Variants in RETN observed in about 807,000 individuals in gnomAD.
The protein encoded by RETN is resistin.
Under a neutral mutation model 6.1 loss-of-function variants are expected in RETN, and 5 were observed. That is an observed-to-expected ratio of 0.82 (90% CI 0.43 to 1.73). RETN has a LOEUF of 1.73. Ranked by LOEUF, RETN falls within the 40% of genes most tolerant of loss-of-function variation. The pLI, the probability that RETN is intolerant of heterozygous loss-of-function variation, is 0.02. For missense variants in RETN, 168 were observed against 142.5 expected, an observed-to-expected ratio of 1.18 and a Z score of -0.91; for synonymous variants, 62 against 59.2, an observed-to-expected ratio of 1.05 and a Z score of -0.22.
Position 7,670,356 on chromosome 19 carries a change from G to A in RETN, c.*7G>A, listed in dbSNP as rs377447409. The A allele has an allele frequency of 1.3e-6, 2 of 1,545,382 alleles. No homozygotes were observed. The highest frequency in any genetic ancestry group is 8.7e-7 in the Non-Finnish European group (1 of 1,149,782). On this transcript the variant is annotated 3_prime_UTR_variant, in exon 4 of 4. Coordinates refer to ENST00000221515, the MANE Select transcript of RETN (RefSeq NM_020415.4). ...CTGTCGTGTGCAGCCCTGAGGTCGC[G>A]CGCAGCGCGTGCACAGCGCGGGCGG...
Position 7,670,244 on chromosome 19 carries a change from T to C in RETN, c.222T>C (p.Cys74=), listed in dbSNP as rs532089804. 2.2e-5 allele frequency: 35 copies of C among 1,603,572 alleles called. No homozygotes were observed. The highest frequency in any genetic ancestry group is 1.8e-4 in the Admixed American group (11 of 59,740). The part of the protein sequence containing the change: ...PRGFAVTGCT[C]GSACGSWDVR... ...GCTTCGCCGTCACCGGCTGCACTTG[T>C]GGCTCCGCCTGTGGCTCGTGGGATG... The change falls in exon 4 of 4, where the codon TGT becomes TGC. Residue 74 remains cysteine (C), a synonymous_variant. Transcript: ENST00000221515.
rs773715419 is a variant in RETN, at chr19:7,669,843, T to C, written c.141T>C (p.Ile47=). 6.2e-7 allele frequency: 1 copy of C among 1,614,088 alleles called. No homozygotes were observed. The highest frequency in any genetic ancestry group is 8.5e-7 in the Non-Finnish European group (1 of 1,180,002). ...GSLIFRAISS[I]GLECQSVTSR... is the part of the protein sequence containing the mutation. ...CAGTATTTAGGGCAATAAGCAGCAT[T>C]GGCCTGGAGTGCCAGAGCGTCACCT... Residue 47 remains isoleucine, a synonymous_variant, in exon 3 of 4, where the codon ATT becomes ATC. Transcript: ENST00000221515.
chr19:7,670,414 A>T lies in RETN; in HGVS notation c.*65A>T. 6.7e-7 allele frequency: 1 copy of T among 1,496,630 alleles called. No homozygotes were observed. The highest frequency in any genetic ancestry group is 8.9e-7 in the Non-Finnish European group (1 of 1,122,320). 92.7% of individuals were successfully genotyped at this position (1,496,630 alleles called of 1,614,324 possible). The stretch of plus-strand genomic sequence containing the variant: ...TCCAGGTCCGGAGGGGTTGCGGGGG[A>T]GCTGGAAATAAACCTGGAGATGATG... On this transcript the variant is annotated 3_prime_UTR_variant, in exon 4 of 4. Transcript: ENST00000221515.
chr19:7,669,901 G>A lies in RETN; in HGVS notation c.196+3G>A. On this transcript the variant is annotated splice_donor_region_variant and intron_variant, in intron 3 of 3. Coordinates refer to ENST00000221515, the MANE Select transcript of RETN (RefSeq NM_020415.4). ...GGACCTGGCTACTTGCCCCCGAGGT[G>A]AGTGCAGGAGACTGTTGTCCAGGCG... 6.2e-7 allele frequency: 1 copy of A among 1,613,420 alleles called. No individual in the cohort carries two copies. The highest frequency in any genetic ancestry group is 1.1e-5 in the South Asian group (1 of 91,046).
chr19:7,669,979 G>A lies in RETN; in HGVS notation c.196+81G>A, dbSNP rs1486559984. 9 of 1,131,246 alleles carry A rather than the reference G, an allele frequency of 8.0e-6. No individual in the cohort carries two copies. In the African/African-American group the frequency reaches 9.1e-5, roughly 11 times the overall value. 70.1% of individuals were successfully genotyped at this position (1,131,246 alleles called of 1,614,324 possible). On this transcript the variant is annotated intron_variant, in intron 3 of 3. Coordinates refer to ENST00000221515, the MANE Select transcript of RETN (RefSeq NM_020415.4). ...ATGCCCCCTCCCCGCCACGTTCCCC[G>A]TGTCCAGCCTCTACTCCCCTAGGAT...
chr19:7,669,978 C>T, intron 3 of RETN, 80 bp downstream of exon 3: 3 of 1,127,790 alleles, frequency 2.7e-6, no homozygotes, highest in Admixed American at 1.9e-5. Flanking sequence ...CCACGTTCCC[C>T]GTGTCCAGCC....
rs2032482699 is a variant in RETN, at chr19:7,670,402, G to A, written c.*53G>A. ...GGCGGAGGCGGCTCCAGGTCCGGAG[G>A]GGTTGCGGGGGAGCTGGAAATAAAC... On this transcript the variant is annotated 3_prime_UTR_variant, in exon 4 of 4. Coordinates refer to ENST00000221515, the MANE Select transcript of RETN (RefSeq NM_020415.4). 1 of 1,515,490 alleles carries A rather than the reference G, an allele frequency of 6.6e-7. No individual in the cohort carries two copies. Among genetic ancestry groups the A allele is most frequent in the African/African-American group, 1.4e-5 (1 of 72,208 alleles). 93.9% of individuals were successfully genotyped at this position (1,515,490 alleles called of 1,614,324 possible). A position where few individuals can be genotyped will look rare whatever the true frequency, so the allele number is the denominator to read the frequency against.
rs757237196 is a variant in RETN at position 7,669,878 on chromosome 19, A to C, written c.176A>C (p.Asp59Ala). 1.2e-6 allele frequency: 2 copies of C among 1,613,504 alleles called. No homozygotes were observed. The highest frequency in any genetic ancestry group is 1.7e-6 in the Non-Finnish European group (2 of 1,179,830). ...LECQSVTSRG[D>A]LATCPRGFAV... ...TGCCAGAGCGTCACCTCCAGGGGGG[A>C]CCTGGCTACTTGCCCCCGAGGTGAG... Residue 59 changes from aspartate (D) to alanine (A), a missense_variant, in exon 3 of 4, where the codon GAC (aspartate) becomes GCC (alanine). Transcript: ENST00000221515.
In RETN at chr19:7,669,869, C is replaced by G. The variant is rs1490326978; in HGVS notation, c.167C>G (p.Ser56Cys). Residue 56 changes from serine (S) to cysteine (C), a missense_variant, in exon 3 of 4, where the codon TCC (serine) becomes TGC (cysteine). Ser to Cys is a moderately radical substitution (Grantham distance 112). Transcript: ENST00000221515. ...SIGLECQSVT[S>C]RGDLATCPRG... ...GGCCTGGAGTGCCAGAGCGTCACCT[C>G]CAGGGGGGACCTGGCTACTTGCCCC... 20 of 1,614,014 alleles carry G rather than the reference C, an allele frequency of 1.2e-5. No homozygotes were observed. Among genetic ancestry groups the G allele is most frequent in the Non-Finnish European group, 1.6e-5 (19 of 1,180,016 alleles).
In RETN at chr19:7,670,221, T is replaced by C. The variant is rs1224849098; in HGVS notation, c.199T>C (p.Phe67Leu). The part of the protein sequence containing the change: ...RGDLATCPRG[F>L]AVTGCTCGSA... The stretch of plus-strand genomic sequence containing the variant: ...CGCTCCTGTGTTCCGGGCTGCAGGC[T>C]TCGCCGTCACCGGCTGCACTTGTGG... The change falls in exon 4 of 4, where the codon TTC becomes CTC. Residue 67 changes from phenylalanine (F) to leucine (L), a missense_variant and splice_region_variant. Physicochemically the swap from Phe to Leu is conservative, Grantham distance 22 (BLOSUM62 0). Transcript: ENST00000221515. 1 of 1,579,974 alleles carries C rather than the reference T, an allele frequency of 6.3e-7. No homozygotes were observed. Among genetic ancestry groups the C allele is most frequent in the African/African-American group, 1.4e-5 (1 of 74,010 alleles).
chr19:7,669,753 A>T (rs1275622476), intron 2 of RETN, 68 bp from the exon 3 acceptor site: 1 of 1,411,964 alleles, frequency 7.1e-7, no homozygotes, highest in Admixed American at 1.7e-5. Flanking sequence ...CAACAGGGCT[A>T]GGGGAGGATG....
chr19:7,669,928 C>T (rs34788323), intron 3 of RETN, 30 bp downstream of exon 3: 129,045 of 1,589,132 alleles, frequency 0.081, 6,418 homozygotes, highest in South Asian at 0.2. Flanking sequence ...GTCCAGGCGC[C>T]CATTTCTGTT....
Position 7,669,860 on chromosome 19 carries a change from G to A in RETN, c.158G>A (p.Ser53Asn). 1.9e-6 allele frequency: 3 copies of A among 1,614,152 alleles called. No individual in the cohort carries two copies. Among genetic ancestry groups the A allele is most frequent in the Non-Finnish European group, 2.5e-6 (3 of 1,180,014 alleles). ...AISSIGLECQ[S>N]VTSRGDLATC... ...AGCAGCATTGGCCTGGAGTGCCAGA[G>A]CGTCACCTCCAGGGGGGACCTGGCT... Residue 53 changes from serine to asparagine, a missense_variant, in exon 3 of 4, where the codon AGC becomes AAC. By Grantham distance (46) the Ser-to-Asn change is conservative. Coordinates refer to ENST00000221515, the MANE Select transcript of RETN (RefSeq NM_020415.4).
rs189243848 is a variant in RETN, at chr19:7,669,891, C to T, written c.189C>T (p.Cys63=). The change falls in exon 3 of 4, where the codon TGC becomes TGT. Residue 63 remains cysteine (C), a synonymous_variant. Coordinates refer to ENST00000221515, the MANE Select transcript of RETN (RefSeq NM_020415.4). ...SVTSRGDLAT[C]PRGFAVTGCT... ...CCTCCAGGGGGGACCTGGCTACTTG[C>T]CCCCGAGGTGAGTGCAGGAGACTGT... The T allele has an allele frequency of 9.9e-6, 16 of 1,613,770 alleles. No individual in the cohort carries two copies. Among genetic ancestry groups the T allele is most frequent in the African/African-American group, 9.3e-5 (7 of 75,012 alleles).
At chr19:7,669,947 C>A (rs1241368062) in intron 3 of RETN, 49 bp downstream of exon 3, 5 of 1,410,106 alleles carry the variant, frequency 3.5e-6, no homozygotes, top group Non-Finnish European at 5.0e-6. Flanking sequence ...TTCCAAGTCC[C>A]CTGGGAATGC....
Position 7,669,160 on chromosome 19 carries a change from C to T in RETN, c.-11+39C>T, listed in dbSNP as rs3219176. Reference sequence around the variant, plus strand: ...GCTCCTGCGCTTGCCATGGCACCAGCGGGGAGGCTGGGGTCAAGGCTGAGC... The same window carrying T: ...GCTCCTGCGCTTGCCATGGCACCAGTGGGGAGGCTGGGGTCAAGGCTGAGC... On this transcript the variant is annotated intron_variant, in intron 1 of 3. Transcript: ENST00000221515. 1,818 of 635,978 alleles carry T rather than the reference C, an allele frequency of 2.9e-3. 42 individuals carry two copies. The East Asian group carries it at 0.043, about 15-fold the overall frequency. The allele number at this position is 635,978 out of a possible 1,614,324, so 39.4% of individuals were successfully genotyped here. A position where few individuals can be genotyped will look rare whatever the true frequency, so the allele number is the denominator to read the frequency against.
rs146364799 is a variant in RETN at position 7,669,433 on chromosome 19, C to T, written c.107C>T (p.Ala36Val). ...EAINERIQEVAGSLIFRAISS... is the reference protein window; with the variant it reads ...EAINERIQEVVGSLIFRAISS... ...ATCAATGAGAGGATCCAGGAGGTCG[C>T]CGGCTCCCTAAGTGAGGACCCCCCA... The change falls in exon 2 of 4, where the codon GCC becomes GTC. Residue 36 changes from alanine to valine, a missense_variant. Physicochemically the swap from Ala to Val is moderately conservative, Grantham distance 64. Transcript: ENST00000221515. 5 of 1,613,464 alleles carry T rather than the reference C, an allele frequency of 3.1e-6. No individual in the cohort carries two copies. Among genetic ancestry groups the T allele is most frequent in the Admixed American group, 1.7e-5 (1 of 60,008 alleles).
chr19:7,670,124 G>A, intron 3 of RETN, 95 bp from the exon 4 acceptor site: 2 of 305,154 alleles, frequency 6.6e-6, no homozygotes, highest in Admixed American at 5.8e-5. Context: ...CCCCACCCCC[G>A]CCCCCCCAAC....
intron 3 of RETN, 106 bp from the exon 4 acceptor site, chr19:7,670,113 T>TCCCCCCCCCCCCCCCCCCCCCCC: frequency 4.3e-6 from 2 of 465,520 alleles, no homozygotes; most frequent in Non-Finnish European, 7.9e-6. Flanking sequence ...GCCGTCCCCG[T>TCCCCCCCCCCCCCCCCCCCCCCC]CCCCACCCCC....
Sources: gnomAD v4.1 joint callset for allele counts on GRCh38, gnomAD v4.1.1 for gene constraint, MANE v1.5 for transcripts, NCBI Gene and HGNC (gene_info 2026-07-23, HGNC 2026-07-21) for gene names.